The following XKR4 variants were observed in gnomAD, a reference collection of about 807,000 sequenced individuals.
XKR4 encodes XK-related protein 4.
A neutral mutation model predicts 53.9 loss-of-function variants in XKR4; 12 were observed. The observed-to-expected ratio is 0.22, with a 90% CI of 0.14 to 0.36. XKR4 has a LOEUF of 0.36. XKR4 is among the 10% of genes least tolerant of loss of function. The pLI is 1.00. For synonymous variants in XKR4, 354 were observed against 362.4 expected (o/e 0.98, Z 0.26); for missense variants, 799 against 859.5 (o/e 0.93, Z 0.88).
At chr8:55,326,597 A>G (rs988404995) in intron 1 of XKR4, among the ~76,000 whole-genome samples, 4 of 149,638 alleles carry the variant, frequency 2.7e-5, no homozygotes, top group African/African-American at 9.9e-5. Context: ...CAGCCTCCTG[A>G]GTAGCTGGGA....
At chr8:55,158,899 G>A (rs376567745) in intron 1 of XKR4, among the ~76,000 whole-genome samples, 6 of 152,134 alleles carry the variant, frequency 3.9e-5, no homozygotes, top group African/African-American at 1.2e-4. Flanking sequence ...AGTGTATGTC[G>A]AAGTCAGGTA....
chr8:55,409,236 G>C (rs894201432), intron 2 of XKR4, among the ~76,000 whole-genome samples: 1 of 148,452 alleles, frequency 6.7e-6, no homozygotes. Context: ...CAGCAAGCAG[G>C]CACCTGCCTG....
At chr8:55,351,592 C>T (rs1182941916) in intron 1 of XKR4, among the ~76,000 whole-genome samples, 1 of 152,216 alleles carries the variant, frequency 6.6e-6, no homozygotes, top group Non-Finnish European at 1.5e-5. Context: ...GAATTTAAAC[C>T]TTCTGTTAGA....
intron 2 of XKR4, among the ~76,000 whole-genome samples, chr8:55,386,185 T>C (rs1804312087): frequency 6.6e-6 from 1 of 152,160 alleles, no homozygotes; most frequent in South Asian, 2.1e-4. Context: ...TTTAGTAATA[T>C]TCACATCCTC....
chr8:55,378,917 G>A (rs1216638420), intron 2 of XKR4, among the ~76,000 whole-genome samples: 1 of 152,152 alleles, frequency 6.6e-6, no homozygotes, highest in Non-Finnish European at 1.5e-5. Flanking sequence ...ATACAATATT[G>A]CCAAATGAAT....
chr8:55,518,809 A>G (rs981902836), intron 2 of XKR4, among the ~76,000 whole-genome samples: 5 of 152,356 alleles, frequency 3.3e-5, no homozygotes, highest in Admixed American at 3.3e-4. Flanking sequence ...CATCCCAAGC[A>G]ATGCCAGTAG....
intron 2 of XKR4, among the ~76,000 whole-genome samples, chr8:55,502,891 C>T (rs550876077): frequency 1.3e-5 from 2 of 152,172 alleles, no homozygotes; most frequent in East Asian, 3.9e-4. Flanking sequence ...GTAATTTTTG[C>T]ATGTGGTGTA....
intron 1 of XKR4, among the ~76,000 whole-genome samples, chr8:55,215,103 A>C (rs1817782269): frequency 6.6e-6 from 1 of 151,688 alleles, no homozygotes; most frequent in Non-Finnish European, 1.5e-5. Flanking sequence ...TAAAGCCCAG[A>C]CCAAGTTTGT....
In XKR4 at chr8:55,241,092, T is replaced by C. The variant is rs148351953; in HGVS notation, c.807-116586T>C. Among the ~76,000 whole-genome samples, 88 of 152,312 alleles carry C rather than the reference T, an allele frequency of 5.8e-4. 2 individuals carry two copies. The Middle Eastern group carries it at 0.02, about 35-fold the overall frequency. The stretch of plus-strand genomic sequence containing the variant: ...ACATCTACTTTAAAAAAAGAAACCT[T>C]CAAAACTAGTGTATTTGACTTTGCT... On this transcript the variant is annotated intron_variant, in intron 1 of 2. Transcript: ENST00000327381.
intron 1 of XKR4, among the ~76,000 whole-genome samples, chr8:55,335,792 A>G (rs959139757): frequency 2.0e-4 from 30 of 151,008 alleles, no homozygotes; most frequent in African/African-American, 7.3e-4. Context: ...TCTCAAAGAC[A>G]TTATGCCGAA....
At chr8:55,357,307 T>G (rs563038025) in intron 1 of XKR4, among the ~76,000 whole-genome samples, 1 of 152,370 alleles carries the variant, frequency 6.6e-6, no homozygotes, top group South Asian at 2.1e-4. Flanking sequence ...CATTCTGTCC[T>G]AGGAGAAATC....
intron 1 of XKR4, among the ~76,000 whole-genome samples, chr8:55,175,827 T>C (rs959631895): frequency 6.6e-6 from 1 of 152,142 alleles, no homozygotes; most frequent in African/African-American, 2.4e-5. Context: ...ATAAATAAAA[T>C]AATCATGTAT....
At chr8:55,307,387 C>T (rs1057499895) in intron 1 of XKR4, among the ~76,000 whole-genome samples, 2 of 152,146 alleles carry the variant, frequency 1.3e-5, no homozygotes, top group African/African-American at 4.8e-5. Context: ...TGGCTCACAC[C>T]TGTAATAATC....
At chr8:55,373,504 C>T (rs990991300) in intron 2 of XKR4, among the ~76,000 whole-genome samples, 3 of 152,142 alleles carry the variant, frequency 2.0e-5, no homozygotes, top group Non-Finnish European at 2.9e-5. Context: ...ATAGTATTAC[C>T]GGTTCAAATG....
intron 1 of XKR4, among the ~76,000 whole-genome samples, chr8:55,263,787 G>C (rs1458304630): frequency 1.3e-5 from 2 of 152,130 alleles, no homozygotes; most frequent in Admixed American, 6.5e-5. Flanking sequence ...ACGTCTTTTT[G>C]AATGCAGACT....
rs369698808 is a variant in XKR4 at position 55,215,778 on chromosome 8, A to G, written c.806+112484A>G. Among the ~76,000 whole-genome samples, 9 of 152,200 alleles carry G rather than the reference A, an allele frequency of 5.9e-5. 1 individual carries two copies. Among genetic ancestry groups the G allele is most frequent in the Admixed American group, 3.9e-4 (6 of 15,284 alleles). On this transcript the variant is annotated intron_variant, in intron 1 of 2. Transcript: ENST00000327381. Reference sequence around the variant, plus strand: ...AACTGAGAAAGGACCTCTACCTATAACAAACATTATTCTTAGTAGTAAGAC... The same window carrying G: ...AACTGAGAAAGGACCTCTACCTATAGCAAACATTATTCTTAGTAGTAAGAC...
At chr8:55,408,075 T>C (rs915426391) in intron 2 of XKR4, among the ~76,000 whole-genome samples, 5 of 152,328 alleles carry the variant, frequency 3.3e-5, no homozygotes, top group Admixed American at 6.5e-5. Flanking sequence ...GCTGTTCCAA[T>C]GCCTGCCCAC....
chr8:55,243,680 C>A (rs923039760), intron 1 of XKR4, among the ~76,000 whole-genome samples: 1 of 152,132 alleles, frequency 6.6e-6, no homozygotes, highest in African/African-American at 2.4e-5. Context: ...TTTTGCATTC[C>A]CACCAGCAAT....
At chr8:55,187,305 C>CA (rs1168014848) in intron 1 of XKR4, among the ~76,000 whole-genome samples, 30,552 of 95,880 alleles carry the variant, frequency 0.32, 4,714 homozygotes, top group African/African-American at 0.42. Context: ...TTTCCAGGAC[C>CA]AAAAAAAAAA....
Sources: gnomAD v4.1 joint callset for allele counts (sites outside exome capture counted in the v4.1 genomes callset) on GRCh38, gnomAD v4.1.1 for gene constraint, MANE v1.5 for transcripts, NCBI Gene and HGNC (gene_info 2026-07-23, HGNC 2026-07-21) for gene names.